Variants in ULK4 observed in about 807,000 individuals in gnomAD.
The protein encoded by ULK4 is unc-51 like kinase 4, also known as inactive serine/threonine-protein kinase ULK4.
Under a neutral mutation model 160.6 loss-of-function variants are expected in ULK4, and 133 were observed. The observed-to-expected ratio is 0.83, with a 90% CI of 0.72 to 0.96. The LOEUF (loss-of-function observed/expected upper bound fraction) is 0.96, where lower values mean the gene tolerates loss of function less well. Among genes scored for constraint, ULK4 ranks in the 40% least tolerant of loss-of-function variants. The probability of loss-of-function intolerance (pLI) is 0.00; values close to 1 mark genes in which losing one functional copy is unlikely to be tolerated. For missense variants in ULK4, 1,580 were observed against 1,499.5 expected, an observed-to-expected ratio of 1.05 and a Z score of -0.89; for synonymous variants, 534 against 539.8, an observed-to-expected ratio of 0.99 and a Z score of 0.15.
At chr3:41,288,753 C>T (rs569978548) in intron 35 of ULK4, among the ~76,000 whole-genome samples, 3 of 152,268 alleles carry the variant, frequency 2.0e-5, no homozygotes, top group Admixed American at 2.0e-4. Context: ...GGACCTTATA[C>T]CCCCAGTGTA....
intron 22 of ULK4, among the ~76,000 whole-genome samples, chr3:41,746,581 T>C (rs1281324864): frequency 6.6e-6 from 1 of 151,520 alleles, no homozygotes; most frequent in Non-Finnish European, 1.5e-5. Context: ...CCTGTATTGA[T>C]GTATTAGTTT....
chr3:41,647,432 G>A (rs1443297808), intron 30 of ULK4, among the ~76,000 whole-genome samples: 1 of 152,198 alleles, frequency 6.6e-6, no homozygotes, highest in African/African-American at 2.4e-5. Flanking sequence ...TCAGCTGCAG[G>A]TCTGTTGGAG....
At chr3:41,838,436 T>C (rs929409660) in intron 17 of ULK4, among the ~76,000 whole-genome samples, 4 of 152,138 alleles carry the variant, frequency 2.6e-5, no homozygotes, top group African/African-American at 9.7e-5. Flanking sequence ...CAGTAGACTG[T>C]TTTATGTATG....
At chr3:41,307,647 T>G (rs1477954923) in intron 35 of ULK4, among the ~76,000 whole-genome samples, 1 of 152,010 alleles carries the variant, frequency 6.6e-6, no homozygotes, top group Non-Finnish European at 1.5e-5. Context: ...AGCAATACAG[T>G]GAGACCCCAT....
At chr3:41,877,957 G>C (rs1307647168) in intron 17 of ULK4, among the ~76,000 whole-genome samples, 12 of 151,876 alleles carry the variant, frequency 7.9e-5, no homozygotes, top group Admixed American at 7.9e-4. Context: ...CTCCAGCCTG[G>C]GCAACAAGAG....
At chr3:41,942,953 C>T (rs1322863796) in intron 2 of ULK4, among the ~76,000 whole-genome samples, 1 of 151,996 alleles carries the variant, frequency 6.6e-6, no homozygotes, top group Admixed American at 6.6e-5. Context: ...GTGGCTCAGG[C>T]CTGTAATCCC....
chr3:41,786,432 C>T (rs1049573638), intron 21 of ULK4, among the ~76,000 whole-genome samples: 3 of 151,812 alleles, frequency 2.0e-5, no homozygotes, highest in African/African-American at 7.3e-5. Context: ...AAGACCCCAT[C>T]TCTACAAAAA....
chr3:41,602,252 AAAGG>A (rs1559425433), intron 31 of ULK4, among the ~76,000 whole-genome samples: 49 of 10,882 alleles, frequency 4.5e-3, no homozygotes, highest in Non-Finnish European at 7.4e-3. Flanking sequence ...AGGAAGAGAA[AAAGG>A]AAAGGAAAGG....
At chr3:41,324,158 ACT>A (rs1238952225) in intron 35 of ULK4, among the ~76,000 whole-genome samples, 2 of 152,140 alleles carry the variant, frequency 1.3e-5, no homozygotes, top group African/African-American at 4.8e-5. Context: ...AGGTTCTGAG[ACT>A]CTGGTGTGCC....
chr3:41,564,561 C>A (rs923389161), intron 32 of ULK4, among the ~76,000 whole-genome samples: 2 of 145,966 alleles, frequency 1.4e-5, no homozygotes, highest in Non-Finnish European at 3.0e-5. Context: ...CCACTTCAAG[C>A]GATTCTCCTG....
intron 32 of ULK4, among the ~76,000 whole-genome samples, chr3:41,539,035 G>GTTTTTTTTTTTTT (rs11425607): frequency 7.1e-6 from 1 of 139,922 alleles, no homozygotes. Flanking sequence ...CTTTTTCTTA[G>GTTTTTTTTTTTTT]TTTTTTTTTT....
chr3:41,761,938 G>C (rs1559533614), intron 21 of ULK4, among the ~76,000 whole-genome samples: 1 of 151,862 alleles, frequency 6.6e-6, no homozygotes, highest in African/African-American at 2.4e-5. Flanking sequence ...ATAATAATTA[G>C]CCAGGCATGA....
chr3:41,469,625 A>AAAC (rs1200763624), intron 32 of ULK4, among the ~76,000 whole-genome samples: 13 of 148,636 alleles, frequency 8.7e-5, no homozygotes, highest in Middle Eastern at 3.4e-3. Flanking sequence ...AAAAAAAAAA[A>AAAC]AACACCTTAA....
chr3:41,342,323 T>C (rs2080703621), intron 35 of ULK4, among the ~76,000 whole-genome samples: 2 of 152,348 alleles, frequency 1.3e-5, no homozygotes, highest in South Asian at 2.1e-4. Context: ...AGACTTGCAC[T>C]ATAATCTAAT....
rs1393186745 is a variant in ULK4, at chr3:41,249,581, G to A, written c.3679-7C>T. The A allele has an allele frequency of 2.5e-6, 4 of 1,613,132 alleles. No homozygotes were observed. The African/African-American group carries it at 5.3e-5, about 22-fold the overall frequency. The stretch of plus-strand genomic sequence containing the variant: ...GCTTCTCATTGGAGGTGATCTGCAA[G>A]GGCAGGAGGAAGAAGACAGTGGTCA... On this transcript the variant is annotated splice_polypyrimidine_tract_variant and splice_region_variant and intron_variant, in intron 35 of 36. Transcript: ENST00000301831.
intron 35 of ULK4, among the ~76,000 whole-genome samples, chr3:41,291,200 G>C (rs978482701): frequency 6.6e-6 from 1 of 151,782 alleles, no homozygotes; most frequent in Non-Finnish European, 1.5e-5. Flanking sequence ...AATGACTTCT[G>C]TTTTCTTCAC....
At chr3:41,908,293 T>C (rs1164769387) in intron 11 of ULK4, among the ~76,000 whole-genome samples, 1 of 152,190 alleles carries the variant, frequency 6.6e-6, no homozygotes, top group Non-Finnish European at 1.5e-5. Flanking sequence ...TCATTAAGTA[T>C]TTGAAAAGGA....
intron 32 of ULK4, among the ~76,000 whole-genome samples, chr3:41,554,720 C>T (rs2087221909): frequency 6.6e-6 from 1 of 151,956 alleles, no homozygotes. Context: ...TTGAAATGTT[C>T]CCAACACAAA....
intron 32 of ULK4, among the ~76,000 whole-genome samples, chr3:41,529,106 C>T (rs2086216885): frequency 6.6e-6 from 1 of 152,206 alleles, no homozygotes; most frequent in Admixed American, 6.5e-5. Context: ...TTGGCATACA[C>T]TTCATACTAT....
Sources: gnomAD v4.1 joint callset for allele counts (sites outside exome capture counted in the v4.1 genomes callset) on GRCh38, gnomAD v4.1.1 for gene constraint, MANE v1.5 for transcripts, NCBI Gene and HGNC (gene_info 2026-07-23, HGNC 2026-07-21) for gene names.